LOXHD1: variants seen among roughly 807,000 people sequenced by gnomAD.
The protein encoded by LOXHD1 is lipoxygenase homology PLAT domains 1.
Under a neutral mutation model 248.2 loss-of-function variants are expected in LOXHD1, and 205 were observed. That is an observed-to-expected ratio of 0.83 (90% CI 0.74 to 0.93). The LOEUF (loss-of-function observed/expected upper bound fraction) is 0.93, where lower values mean the gene tolerates loss of function less well. LOXHD1 is among the 40% of genes least tolerant of loss of function. LOXHD1 has a pLI of 0.00. For missense variants in LOXHD1, 2,930 were observed against 2,971.6 expected, an observed-to-expected ratio of 0.99 and a Z score of 0.33; for synonymous variants, 1,113 against 1,162.8, an observed-to-expected ratio of 0.96 and a Z score of 0.87.
intron 28 of LOXHD1, 61 bp from the exon 29 acceptor site, chr18:46,529,392 G>T: frequency 6.8e-7 from 1 of 1,480,532 alleles, no homozygotes; most frequent in East Asian, 2.5e-5. Flanking sequence ...AGCGCTTTAG[G>T]TCTTGAGGAA....
intron 6 of LOXHD1, among the ~76,000 whole-genome samples, chr18:46,608,454 C>G (rs1189248533): frequency 6.6e-6 from 1 of 152,156 alleles, no homozygotes; most frequent in South Asian, 2.1e-4. Context: ...AAACTGTTCA[C>G]CCTTTAAAGC....
intron 4 of LOXHD1, among the ~76,000 whole-genome samples, chr18:46,624,190 C>T (rs2038707016): frequency 1.3e-5 from 2 of 152,220 alleles, no homozygotes; most frequent in Admixed American, 6.5e-5. Flanking sequence ...ACCCCACCCG[C>T]AAGTGAATCT....
intron 12 of LOXHD1, 122 bp downstream of exon 12, chr18:46,591,786 AGGCAGGGACCTTCCAAATCCACTCT>A: frequency 1.0e-6 from 1 of 961,048 alleles, no homozygotes; most frequent in Non-Finnish European, 1.5e-6. Context: ...GCCAGTCTTG[AGGCAGGGACCTTCCAAATCCACTCT>A]GGCACTCTAA....
At chr18:46,576,898 C>A (rs928819734) in intron 14 of LOXHD1, among the ~76,000 whole-genome samples, 10 of 152,140 alleles carry the variant, frequency 6.6e-5, no homozygotes, top group Admixed American at 1.3e-4. Context: ...AAGAGCAACA[C>A]ACTCATTACT....
At chr18:46,513,179 G>A in intron 34 of LOXHD1, among the ~76,000 whole-genome samples, 1 of 152,216 alleles carries the variant, frequency 6.6e-6, no homozygotes, top group East Asian at 1.9e-4. Flanking sequence ...TATCAATAAT[G>A]TATGTACTTT....
chr18:46,601,321 T>G lies in LOXHD1; in HGVS notation c.1030A>C (p.Thr344Pro), dbSNP rs374914013. Reference protein sequence around the residue: ...LEGGVFDRGRTDIFHIELAVL... With the variant: ...LEGGVFDRGRPDIFHIELAVL... Reference sequence around the variant, plus strand: ...GCCAGCTCGATGTGGAAGATGTCCGTGCGGCCTCGGTCAAACACGCCGCCC... The same window carrying G: ...GCCAGCTCGATGTGGAAGATGTCCGGGCGGCCTCGGTCAAACACGCCGCCC... The change falls in exon 8 of 41, where the codon ACG becomes CCG. Residue 344 changes from threonine to proline, a missense_variant. By Grantham distance (38) the Thr-to-Pro change is conservative (BLOSUM62 -1). Transcript: ENST00000642948. 1.3e-6 allele frequency: 2 copies of G among 1,551,598 alleles called. No individual in the cohort carries two copies. Among genetic ancestry groups the G allele is most frequent in the Non-Finnish European group, 1.7e-6 (2 of 1,147,010 alleles).
intron 18 of LOXHD1, among the ~76,000 whole-genome samples, chr18:46,561,194 G>T (rs996205827): frequency 6.6e-6 from 1 of 152,180 alleles, no homozygotes; most frequent in Non-Finnish European, 1.5e-5. Flanking sequence ...CAGAGAGGGG[G>T]TCCAGGGTTT....
In LOXHD1 at chr18:46,579,617, T is replaced by G. The variant is rs2037924069; in HGVS notation, c.1809+13A>C. On this transcript the variant is annotated intron_variant, in intron 13 of 40. Transcript: ENST00000642948. ...GAGGAAGGGGATGAGTGGGGCACATTGCTGTAACTTACATTGCCCTTTTCA... is the reference window on the plus strand; with the variant it reads ...GAGGAAGGGGATGAGTGGGGCACATGGCTGTAACTTACATTGCCCTTTTCA... 1.3e-6 allele frequency: 2 copies of G among 1,551,708 alleles called. No individual in the cohort carries two copies. Among genetic ancestry groups the G allele is most frequent in the Middle Eastern group, 1.7e-4 (1 of 5,990 alleles).
At chr18:46,505,269 C>T (rs1255138655) in intron 37 of LOXHD1, among the ~76,000 whole-genome samples, 1 of 151,954 alleles carries the variant, frequency 6.6e-6, no homozygotes, top group Non-Finnish European at 1.5e-5. Flanking sequence ...GCAGCCATGA[C>T]CTCCTGGGCT....
At chr18:46,627,598 T>G (rs1395892112) in intron 4 of LOXHD1, among the ~76,000 whole-genome samples, 1 of 152,186 alleles carries the variant, frequency 6.6e-6, no homozygotes, top group Non-Finnish European at 1.5e-5. Flanking sequence ...CCATGCATTC[T>G]CCAAACATTC....
At chr18:46,592,726 T>TTGATTG in intron 10 of LOXHD1, 142 bp from the exon 11 acceptor site, 1 of 694,714 alleles carries the variant, frequency 1.4e-6, no homozygotes, top group Non-Finnish European at 2.5e-6. Context: ...CAAGCCACCC[T>TTGATTG]CACATATTTT....
Position 46,610,802 on chromosome 18 carries a change from C to A in LOXHD1, c.733G>T (p.Gly245Cys). Reference protein sequence around the residue: ...KINVGHNNKGGSAGWFLSQIV... With the variant: ...KINVGHNNKGCSAGWFLSQIV... Reference sequence around the variant, plus strand: ...TGGGACAGGAACCAACCTGCAGAGCCCCCCTTATTGTTGTGGCCAACATTG... The same window carrying A: ...TGGGACAGGAACCAACCTGCAGAGCACCCCTTATTGTTGTGGCCAACATTG... Residue 245 changes from glycine (G) to cysteine (C), a missense_variant, in exon 6 of 41, where the codon GGC becomes TGC. Physicochemically the swap from Gly to Cys is radical, Grantham distance 159. Transcript: ENST00000642948. 5 of 1,551,566 alleles carry A rather than the reference C, an allele frequency of 3.2e-6. No homozygotes were observed. The highest frequency in any genetic ancestry group is 4.4e-6 in the Non-Finnish European group (5 of 1,146,952).
chr18:46,477,360 T>C lies in LOXHD1; in HGVS notation c.*112A>G. On this transcript the variant is annotated 3_prime_UTR_variant, in exon 41 of 41. Transcript: ENST00000642948. Reference sequence around the variant, plus strand: ...GGACCCCATGAAGTTCTCAGTGGACTGCTAGCCCCCAGTGCCAATGCTAGA... The same window carrying C: ...GGACCCCATGAAGTTCTCAGTGGACCGCTAGCCCCCAGTGCCAATGCTAGA... The C allele has an allele frequency of 6.9e-7, 1 of 1,447,316 alleles. No individual in the cohort carries two copies. The highest frequency in any genetic ancestry group is 9.4e-7 in the Non-Finnish European group (1 of 1,060,042). 89.7% of individuals were successfully genotyped at this position (1,447,316 alleles called of 1,614,324 possible).
rs75020213 is a variant in LOXHD1, at chr18:46,543,416, T to A, written c.3620-561A>T. Among the ~76,000 whole-genome samples the A allele has an allele frequency of 2.8e-3, 429 of 152,270 alleles. 4 individuals carry two copies. In the East Asian group the frequency reaches 0.071, roughly 25 times the overall value. ...TACACCATATTTTCTTTTTATCTTTTAAAAAAAATTTTTTATTACACTTTA... is the reference window on the plus strand; with the variant it reads ...TACACCATATTTTCTTTTTATCTTTAAAAAAAAATTTTTTATTACACTTTA... On this transcript the variant is annotated intron_variant, in intron 23 of 40. Coordinates refer to ENST00000642948, the MANE Select transcript of LOXHD1 (RefSeq NM_001384474.1).
At chr18:46,650,131 C>T (rs978989530) in intron 1 of LOXHD1, among the ~76,000 whole-genome samples, 18 of 152,206 alleles carry the variant, frequency 1.2e-4, no homozygotes, top group Admixed American at 9.8e-4. Context: ...AGAAAACAGC[C>T]CACCATCACC....
intron 37 of LOXHD1, among the ~76,000 whole-genome samples, chr18:46,499,004 A>T (rs1347245987): frequency 2.0e-5 from 3 of 152,228 alleles, no homozygotes; most frequent in Non-Finnish European, 4.4e-5. Flanking sequence ...CCGTCTATTT[A>T]GGATCCAGAA....
intron 34 of LOXHD1, among the ~76,000 whole-genome samples, chr18:46,512,280 G>A (rs976370886): frequency 1.3e-5 from 2 of 151,814 alleles, no homozygotes; most frequent in African/African-American, 4.8e-5. Flanking sequence ...GATGACCAAT[G>A]GCTCCACCTG....
intron 37 of LOXHD1, among the ~76,000 whole-genome samples, chr18:46,500,949 A>G (rs1464869628): frequency 6.6e-6 from 1 of 152,206 alleles, no homozygotes; most frequent in African/African-American, 2.4e-5. Context: ...TCCTCGGACT[A>G]GCATCCTGTG....
intron 21 of LOXHD1, among the ~76,000 whole-genome samples, chr18:46,554,913 C>CT (rs2037256098): frequency 6.6e-6 from 1 of 151,876 alleles, no homozygotes; most frequent in South Asian, 2.1e-4. Flanking sequence ...TACACATACA[C>CT]TTAATGGCAT....
Sources: allele counts gnomAD v4.1 joint callset (sites outside exome capture counted in the v4.1 genomes callset), GRCh38; gene constraint gnomAD v4.1.1; transcripts MANE v1.5; gene names NCBI Gene and HGNC (gene_info 2026-07-23, HGNC 2026-07-21).